The following ARMH3 variants were observed in gnomAD, a reference collection of about 807,000 sequenced individuals.
ARMH3 encodes the protein armadillo-like helical domain-containing protein 3.
Under a neutral mutation model 99.1 loss-of-function variants are expected in ARMH3, and 60 were observed. The ratio of observed to expected loss-of-function variants is 0.61; its 90% CI spans 0.49 to 0.75. The LOEUF (loss-of-function observed/expected upper bound fraction) is 0.75. ARMH3 is among the 30% of genes least tolerant of loss of function. The pLI, the probability that ARMH3 is intolerant of heterozygous loss-of-function variation, is 0.00. For missense variants in ARMH3, 679 were observed against 843.1 expected, an observed-to-expected ratio of 0.81 and a Z score of 2.41; for synonymous variants, 285 against 292.8, an observed-to-expected ratio of 0.97 and a Z score of 0.27.
chr10:101,971,608 G>C (rs1387951712), intron 20 of ARMH3, among the ~76,000 whole-genome samples: 1 of 152,168 alleles, frequency 6.6e-6, no homozygotes, highest in Non-Finnish European at 1.5e-5. Context: ...ATTTCTGTGA[G>C]AACAGGATTA....
intron 1 of ARMH3, among the ~76,000 whole-genome samples, chr10:102,043,725 A>G (rs968148155): frequency 6.6e-6 from 1 of 152,368 alleles, no homozygotes; most frequent in South Asian, 2.1e-4. Flanking sequence ...TGTCTCAGAC[A>G]TAAGACATAG....
chr10:102,000,010 G>C (rs553117940), intron 15 of ARMH3, among the ~76,000 whole-genome samples: 7 of 152,138 alleles, frequency 4.6e-5, no homozygotes, highest in Admixed American at 6.5e-5. Context: ...TTGAACCTAG[G>C]AGGCGGAGGT....
Position 102,040,105 on chromosome 10 carries a change from C to T in ARMH3, c.10G>A (p.Val4Ile), listed in dbSNP as rs758726987. The T allele has an allele frequency of 3.1e-6, 5 of 1,613,816 alleles. No homozygotes were observed. In the African/African-American group the frequency reaches 5.3e-5, roughly 17 times the overall value. The change falls in exon 2 of 26, where the codon GTA (valine) becomes ATA (isoleucine). Residue 4 changes from valine to isoleucine, a missense_variant. This residue lies in a region of ARMH3 where 280 missense variants were observed against 354.6 expected (regional missense o/e 0.79). Coordinates refer to ENST00000370033, the MANE Select transcript of ARMH3 (RefSeq NM_024541.3). MAQ[V>I]EKRGGLLRKS... ...CGGAGCAAACCTCCACGTTTCTCTA[C>T]CTGTGCCATGGTTAGAGAATCTGTG...
chr10:101,864,660 G>A (rs1039816012), intron 24 of ARMH3, among the ~76,000 whole-genome samples: 5 of 152,064 alleles, frequency 3.3e-5, no homozygotes, highest in Non-Finnish European at 1.5e-5. Flanking sequence ...ACCAAACACC[G>A]CATGTTCTCA....
At chr10:101,921,015 C>A (rs1238168208) in intron 23 of ARMH3, among the ~76,000 whole-genome samples, 1 of 152,150 alleles carries the variant, frequency 6.6e-6, no homozygotes, top group Admixed American at 6.6e-5. Context: ...GTTGTTTAAT[C>A]AGTACAATTT....
At chr10:101,953,764 C>T (rs2135791927) in intron 22 of ARMH3, among the ~76,000 whole-genome samples, 1 of 152,160 alleles carries the variant, frequency 6.6e-6, no homozygotes. Flanking sequence ...CGACAACTTT[C>T]ATGCATTGCT....
intron 24 of ARMH3, among the ~76,000 whole-genome samples, chr10:101,868,004 G>A (rs2067044800): frequency 1.3e-5 from 2 of 150,748 alleles, no homozygotes; most frequent in Non-Finnish European, 3.0e-5. Flanking sequence ...ATTGGAAAAA[G>A]CCATGAAAGT....
intron 23 of ARMH3, among the ~76,000 whole-genome samples, chr10:101,898,562 C>T (rs2067897656): frequency 6.6e-6 from 1 of 152,186 alleles, no homozygotes; most frequent in African/African-American, 2.4e-5. Context: ...AGGAAGCAGG[C>T]TATCTCTAAA....
At chr10:101,859,927 G>A (rs1392789556) in intron 24 of ARMH3, among the ~76,000 whole-genome samples, 1 of 152,134 alleles carries the variant, frequency 6.6e-6, no homozygotes, top group Non-Finnish European at 1.5e-5. Context: ...GAGACACAGT[G>A]ACCAAGCAGA....
In ARMH3 at chr10:101,878,646, A is replaced by G. The variant is rs1163251891; in HGVS notation, c.1860+10766T>C. Among the ~76,000 whole-genome samples, 12 of 151,874 alleles carry G rather than the reference A, an allele frequency of 7.9e-5. No individual in the cohort carries two copies. The South Asian group carries it at 2.5e-3, about 32-fold the overall frequency. On this transcript the variant is annotated intron_variant, in intron 24 of 25. Coordinates refer to ENST00000370033, the MANE Select transcript of ARMH3 (RefSeq NM_024541.3). ...TGAGAGAAACTGCATCTCAAGAAAA[A>G]AAAACAAAAAAAGAAAAAGGAAAAA...
At chr10:102,032,567 AT>A (rs1438790639) in intron 4 of ARMH3, among the ~76,000 whole-genome samples, 2 of 151,978 alleles carry the variant, frequency 1.3e-5, no homozygotes, top group Non-Finnish European at 2.9e-5. Context: ...TGCCCGGCTA[AT>A]TTTTGTATTT....
At chr10:101,968,326 C>T (rs1027684662) in intron 20 of ARMH3, among the ~76,000 whole-genome samples, 3 of 152,098 alleles carry the variant, frequency 2.0e-5, no homozygotes, top group African/African-American at 7.2e-5. Context: ...TTTAAGAAAT[C>T]TAAAAGTCAA....
intron 14 of ARMH3, 140 bp from the exon 15 acceptor site, chr10:102,002,212 A>G (rs1235361051): frequency 7.7e-7 from 1 of 1,302,544 alleles, no homozygotes; most frequent in Non-Finnish European, 1.0e-6. Flanking sequence ...AGTGCTCATC[A>G]CAAAACTTTT....
At position 101,847,451 on chromosome 10, in the gene ARMH3, CCT is replaced by C; in HGVS notation, c.*75_*76del. ...TTCTCTCCAACCTCGGGGGCAGCCC[CCT>C]CTCCCCTCGCTCCCCCTCCAGCCCA... On this transcript the variant is annotated 3_prime_UTR_variant, in exon 26 of 26. Transcript: ENST00000370033. 1.4e-6 allele frequency: 2 copies of C among 1,451,156 alleles called. No individual in the cohort carries two copies. Among genetic ancestry groups the C allele is most frequent in the Non-Finnish European group, 1.9e-6 (2 of 1,034,438 alleles). The allele number at this position is 1,451,156 out of a possible 1,614,324, so 89.9% of individuals were successfully genotyped here. A position where few individuals can be genotyped will look rare whatever the true frequency, so the allele number is the denominator to read the frequency against.
At chr10:101,901,636 GA>G (rs1382789340) in intron 23 of ARMH3, among the ~76,000 whole-genome samples, 10 of 152,246 alleles carry the variant, frequency 6.6e-5, no homozygotes, top group African/African-American at 2.2e-4. Flanking sequence ...GTTGCTTTCA[GA>G]CAGACCCTCA....
chr10:102,050,616 T>C (rs1007135500), intron 1 of ARMH3, among the ~76,000 whole-genome samples: 1 of 152,000 alleles, frequency 6.6e-6, no homozygotes, highest in Admixed American at 6.6e-5. Flanking sequence ...CCAACACTCT[T>C]GGAGGCCGAG....
At chr10:101,919,421 A>C (rs74993772) in intron 23 of ARMH3, among the ~76,000 whole-genome samples, 3,405 of 152,038 alleles carry the variant, frequency 0.022, 122 homozygotes, top group African/African-American at 0.08. Context: ...TACATTCGAG[A>C]CTAGATGAAC....
chr10:102,044,296 C>T (rs2067493295), intron 1 of ARMH3, among the ~76,000 whole-genome samples: 1 of 151,532 alleles, frequency 6.6e-6, no homozygotes. Context: ...AGGATGGTCT[C>T]GATCTCCTGA....
chr10:102,053,751 C>T (rs1365765470), intron 1 of ARMH3, among the ~76,000 whole-genome samples: 14 of 151,904 alleles, frequency 9.2e-5, no homozygotes, highest in Admixed American at 7.2e-4. Flanking sequence ...GCTCCGCCTC[C>T]TGGGTTCATG....
Sources: allele counts gnomAD v4.1 joint callset (sites outside exome capture counted in the v4.1 genomes callset), GRCh38; gene constraint gnomAD v4.1.1; regional missense constraint gnomAD v4.1.1; transcripts MANE v1.5; gene names NCBI Gene and HGNC (gene_info 2026-07-23, HGNC 2026-07-21).